The following RARB variants were observed in gnomAD, a reference collection of about 807,000 sequenced individuals.
RARB encodes HBV-activated protein.
A neutral mutation model predicts 51.9 loss-of-function variants in RARB; 17 were observed. The ratio of observed to expected loss-of-function variants is 0.33; its 90% CI spans 0.22 to 0.49. The LOEUF (loss-of-function observed/expected upper bound fraction) is 0.49. Ranked by LOEUF, RARB falls within the 20% of genes least tolerant of loss-of-function variation. The probability of loss-of-function intolerance (pLI) is 0.99; values close to 1 mark genes in which losing one functional copy is unlikely to be tolerated. For synonymous variants in RARB, 215 were observed against 195.4 expected, an observed-to-expected ratio of 1.10 and a Z score of -0.84; for missense variants, 369 against 550.8, an observed-to-expected ratio of 0.67 and a Z score of 3.30.
At chr3:25,539,530 CTCTTTTTTTTTTTTTTT>C (rs1332511534) in intron 3 of RARB, among the ~76,000 whole-genome samples, 6 of 118,912 alleles carry the variant, frequency 5.0e-5, no homozygotes, top group Non-Finnish European at 8.3e-5. Context: ...CTCTCTCTCT[CTCTTTTTTTTTTTTTTT>C]TCTTTTTTTT....
intron 2 of RARB, among the ~76,000 whole-genome samples, chr3:25,056,770 A>G (rs1218088368): frequency 6.6e-6 from 1 of 152,146 alleles, no homozygotes; most frequent in African/African-American, 2.4e-5. Flanking sequence ...TTGAGAGGAT[A>G]GAATTCTTTT....
chr3:25,552,011 A>G (rs1699870441), intron 3 of RARB, among the ~76,000 whole-genome samples: 1 of 152,286 alleles, frequency 6.6e-6, no homozygotes, highest in Non-Finnish European at 1.5e-5. Flanking sequence ...GTCAAGAGGC[A>G]TCCTAAAAAG....
intron 3 of RARB, among the ~76,000 whole-genome samples, chr3:25,068,313 A>G (rs940024011): frequency 6.6e-6 from 1 of 151,762 alleles, no homozygotes; most frequent in Non-Finnish European, 1.5e-5. Flanking sequence ...TAAGAGTTGA[A>G]GTTCCATTTT....
At chr3:25,478,521 C>G (rs1024079308) in intron 2 of RARB, among the ~76,000 whole-genome samples, 1 of 152,186 alleles carries the variant, frequency 6.6e-6, no homozygotes, top group Non-Finnish European at 1.5e-5. Context: ...GTTCCCACCA[C>G]CCATCTTGCC....
chr3:25,510,865 C>A (rs1452178412), intron 3 of RARB, among the ~76,000 whole-genome samples: 1 of 152,134 alleles, frequency 6.6e-6, no homozygotes, highest in South Asian at 2.1e-4. Flanking sequence ...ATTAATATTT[C>A]TTGAATCTCT....
At chr3:24,980,355 T>G (rs878892281) in intron 2 of RARB, among the ~76,000 whole-genome samples, 1 of 152,202 alleles carries the variant, frequency 6.6e-6, no homozygotes, top group Non-Finnish European at 1.5e-5. Context: ...ATTACTATCC[T>G]GAAGGGTGTT....
intron 5 of RARB, among the ~76,000 whole-genome samples, chr3:25,371,031 A>G (rs1234572542): frequency 6.6e-6 from 1 of 152,040 alleles, no homozygotes; most frequent in African/African-American, 2.4e-5. Context: ...AACACTTGTC[A>G]TTGGATTTAG....
intron 1 of RARB, among the ~76,000 whole-genome samples, chr3:25,437,184 G>T (rs1406435552): frequency 6.7e-6 from 1 of 150,184 alleles, no homozygotes; most frequent in Non-Finnish European, 1.5e-5. Context: ...TGATCCCTCG[G>T]TCTATAGCTC....
At chr3:25,043,485 A>C (rs539360685) in intron 2 of RARB, among the ~76,000 whole-genome samples, 42 of 152,214 alleles carry the variant, frequency 2.8e-4, no homozygotes, top group Non-Finnish European at 5.4e-4. Flanking sequence ...CTTTTATTTT[A>C]AACCTCTTTC....
chr3:25,521,394 T>TC (rs1453033539), intron 3 of RARB, among the ~76,000 whole-genome samples: 1 of 152,208 alleles, frequency 6.6e-6, no homozygotes, highest in Non-Finnish European at 1.5e-5. Flanking sequence ...CGTTCCTGTT[T>TC]CAAGGGTGAA....
intron 5 of RARB, among the ~76,000 whole-genome samples, chr3:25,249,802 T>TGTCAGGTAA (rs1187960355): frequency 3.1e-5 from 2 of 64,302 alleles, no homozygotes; most frequent in Admixed American, 1.2e-4. Context: ...GGGATGGGGA[T>TGTCAGGTAA]GTCAGGTAAG....
At position 25,384,965 on chromosome 3, in the gene RARB, G is replaced by A. The variant is rs146583632; in HGVS notation, c.179-76228G>A. 3.1e-3 allele frequency among the ~76,000 whole-genome samples: 468 copies of A among 152,198 alleles called. 3 individuals are homozygous for A. Among genetic ancestry groups the A allele is most frequent in the African/African-American group, 0.011 (444 of 41,518 alleles). On this transcript the variant is annotated intron_variant, in intron 5 of 11. Transcript: ENST00000383772. ...GGTTCCAAATTATTCCACTCTGGAT[G>A]GCACCTACAGTCTGTTTTGTCATAA...
chr3:24,974,907 G>A (rs1253551263), intron 2 of RARB, among the ~76,000 whole-genome samples: 1 of 152,102 alleles, frequency 6.6e-6, no homozygotes, highest in Non-Finnish European at 1.5e-5. Context: ...TTGCAATGAT[G>A]GAAATGTTAT....
chr3:25,389,400 C>A (rs6550968), intron 5 of RARB, among the ~76,000 whole-genome samples: 2 of 152,180 alleles, frequency 1.3e-5, no homozygotes, highest in African/African-American at 4.8e-5. Context: ...TGAGGGATAT[C>A]TGTCACTGAC....
intron 1 of RARB, among the ~76,000 whole-genome samples, chr3:24,856,451 T>C (rs955873029): frequency 7.2e-5 from 11 of 152,196 alleles, no homozygotes; most frequent in African/African-American, 2.2e-4. Context: ...AAATTAAAGT[T>C]ATCCAAGGCA....
At chr3:25,096,206 A>G (rs1306683227) in intron 3 of RARB, among the ~76,000 whole-genome samples, 2 of 152,272 alleles carry the variant, frequency 1.3e-5, no homozygotes, top group African/African-American at 2.4e-5. Context: ...CTCAGTAGCT[A>G]CTTGGGTTAG....
At chr3:25,422,507 G>A (rs1707888048) in intron 5 of RARB, among the ~76,000 whole-genome samples, 1 of 152,068 alleles carries the variant, frequency 6.6e-6, no homozygotes, top group South Asian at 2.1e-4. Context: ...ACTGAGGTGG[G>A]GTGTTCGTGG....
intron 5 of RARB, among the ~76,000 whole-genome samples, chr3:25,409,639 G>A (rs559673165): frequency 6.6e-6 from 1 of 152,228 alleles, no homozygotes; most frequent in Non-Finnish European, 1.5e-5. Flanking sequence ...CACCAAAGAG[G>A]TATACAGAGT....
intron 5 of RARB, among the ~76,000 whole-genome samples, chr3:25,179,475 T>C (rs1014746675): frequency 6.6e-6 from 1 of 152,224 alleles, no homozygotes; most frequent in African/African-American, 2.4e-5. Flanking sequence ...GGACTTAATA[T>C]ATTGCTGGTA....
Sources: gnomAD v4.1 joint callset for allele counts (sites outside exome capture counted in the v4.1 genomes callset) on GRCh38, gnomAD v4.1.1 for gene constraint, MANE v1.5 for transcripts, NCBI Gene and HGNC (gene_info 2026-07-23, HGNC 2026-07-21) for gene names.